Variants in MPDZ observed in about 807,000 individuals in gnomAD.
MPDZ encodes multiple PDZ domain crumbs cell polarity complex component.
In MPDZ, 234 loss-of-function variants were observed where a neutral mutation model predicts 239.1. The observed-to-expected ratio is 0.98, with a 90% CI of 0.88 to 1.09. The LOEUF is 1.09. Among genes scored for constraint, MPDZ ranks in the 50% least tolerant of loss-of-function variants. The probability of loss-of-function intolerance (pLI) is 0.00; values close to 1 mark genes in which losing one functional copy is unlikely to be tolerated. For missense variants in MPDZ, 3,175 were observed against 2,510.0 expected (o/e 1.26, Z -5.66); for synonymous variants, 1,048 against 881.3 (o/e 1.19, Z -3.35).
chr9:13,109,759 T>C lies in MPDZ; in HGVS notation c.5942+193A>G, dbSNP rs188665561. 2.0e-5 allele frequency among the ~76,000 whole-genome samples: 3 copies of C among 152,292 alleles called. No individual in the cohort carries two copies. In the East Asian group the frequency reaches 5.8e-4, roughly 29 times the overall value. Reference sequence around the variant, plus strand: ...ATCTAGCTAGTTATCTATCTCTACTTATCTTTGATCAGCTAAATCCATGCC... The same window carrying C: ...ATCTAGCTAGTTATCTATCTCTACTCATCTTTGATCAGCTAAATCCATGCC... On this transcript the variant is annotated intron_variant, in intron 45 of 46. Coordinates refer to ENST00000319217, the MANE Select transcript of MPDZ (RefSeq NM_001378778.1).
chr9:13,134,051 T>A, intron 31 of MPDZ, 147 bp from the exon 32 acceptor site: 1 of 302,390 alleles, frequency 3.3e-6, no homozygotes, highest in African/African-American at 2.2e-5. Flanking sequence ...TATTGCTATT[T>A]TAATACATTT....
intron 19 of MPDZ, among the ~76,000 whole-genome samples, chr9:13,181,834 G>T (rs1003869611): frequency 6.6e-6 from 1 of 152,152 alleles, no homozygotes; most frequent in African/African-American, 2.4e-5. Context: ...CGTGTGCTAT[G>T]CTGTGGATTA....
chr9:13,174,964 A>AT (rs1476828898), intron 21 of MPDZ, among the ~76,000 whole-genome samples: 18 of 152,200 alleles, frequency 1.2e-4, no homozygotes, highest in Admixed American at 1.0e-3. Context: ...AGACCCTGCC[A>AT]TAAGACGTCA....
chr9:13,124,209 C>A (rs906805277), intron 35 of MPDZ, among the ~76,000 whole-genome samples: 4 of 152,146 alleles, frequency 2.6e-5, no homozygotes, highest in Non-Finnish European at 5.9e-5. Context: ...TTTCATCTAG[C>A]ATTTCATATT....
At chr9:13,276,564 TCA>T (rs1240498296) in intron 1 of MPDZ, 1 of 152,180 alleles carries the variant, frequency 6.6e-6, no homozygotes, top group African/African-American at 2.4e-5. Flanking sequence ...ATATCATCAC[TCA>T]TACGCACCAT....
intron 12 of MPDZ, among the ~76,000 whole-genome samples, chr9:13,199,420 A>C (rs560183613): frequency 8.1e-4 from 123 of 152,118 alleles, no homozygotes; most frequent in Non-Finnish European, 1.2e-3. Flanking sequence ...TTAGGTTTCT[A>C]AATATAGGAT....
At chr9:13,161,895 A>G (rs755460774) in intron 23 of MPDZ, among the ~76,000 whole-genome samples, 3 of 152,136 alleles carry the variant, frequency 2.0e-5, no homozygotes, top group Non-Finnish European at 2.9e-5. Context: ...AAAGCCAAAC[A>G]CTGTTTCCTA....
intron 44 of MPDZ, 136 bp from the exon 45 acceptor site, chr9:13,110,200 C>G: frequency 1.5e-6 from 1 of 665,030 alleles, no homozygotes; most frequent in Non-Finnish European, 2.6e-6. Context: ...ACATAAAATA[C>G]AACCAAAGAG....
In MPDZ at chr9:13,145,922, T is replaced by C. The variant is rs561121168; in HGVS notation, c.3741+1626A>G. On this transcript the variant is annotated intron_variant, in intron 26 of 46. Transcript: ENST00000319217. ...TGATGTAAAAATTGTAAATTATAAA[T>C]AAAACAAAAAAAGGACTAAAATCCA... Among the ~76,000 whole-genome samples the C allele has an allele frequency of 6.6e-5, 10 of 151,802 alleles. No individual in the cohort carries two copies. In the East Asian group the frequency reaches 1.9e-3, roughly 29 times the overall value.
At chr9:13,145,348 G>A (rs1948292896) in intron 26 of MPDZ, among the ~76,000 whole-genome samples, 1 of 151,928 alleles carries the variant, frequency 6.6e-6, no homozygotes. Flanking sequence ...GAGAAAATGT[G>A]GTCAGACTGA....
Position 13,110,676 on chromosome 9 carries a change from A to G in MPDZ, c.5789T>C (p.Val1930Ala), listed in dbSNP as rs1290216967. Residue 1930 changes from valine to alanine, a missense_variant, in exon 44 of 47, where the codon GTT becomes GCT. Transcript: ENST00000319217. ...GCCAGATGCATTTTTCAGTAGGTTA[A>G]CTGCTTGGGTGTGAGTCATGCCCTC... ...STEGMTHTQA[V>A]NLLKNASGSI... The G allele has an allele frequency of 6.2e-7, 1 of 1,613,668 alleles. No individual in the cohort carries two copies. The highest frequency in any genetic ancestry group is 1.7e-5 in the Admixed American group (1 of 59,956).
At chr9:13,147,115 G>A (rs952345279) in intron 26 of MPDZ, among the ~76,000 whole-genome samples, 4 of 151,956 alleles carry the variant, frequency 2.6e-5, no homozygotes, top group Non-Finnish European at 5.9e-5. Context: ...ATTCACAGAT[G>A]ATTATGGGAT....
intron 1 of MPDZ, among the ~76,000 whole-genome samples, chr9:13,256,939 A>C (rs1353555497): frequency 2.0e-5 from 3 of 152,142 alleles, no homozygotes; most frequent in Non-Finnish European, 2.9e-5. Flanking sequence ...AATTCAATAA[A>C]ACAACATAGA....
Position 13,142,157 on chromosome 9 carries a change from A to G in MPDZ, c.3840+1309T>C, listed in dbSNP as rs182979493. 7.9e-5 allele frequency among the ~76,000 whole-genome samples: 12 copies of G among 152,280 alleles called. 1 individual carries two copies. The highest frequency in any genetic ancestry group is 4.6e-4 in the Admixed American group (7 of 15,266). ...AAACAAAAGCTAATTTAAACTTCTC[A>G]TAATTTTAACAAATCTATAGATGAC... is the stretch of plus-strand genomic sequence containing the variant. On this transcript the variant is annotated intron_variant, in intron 27 of 46. Coordinates refer to ENST00000319217, the MANE Select transcript of MPDZ (RefSeq NM_001378778.1).
In MPDZ at chr9:13,168,458, G is replaced by T. The variant is rs542869628; in HGVS notation, c.3162C>A (p.Ile1054=). The T allele has an allele frequency of 6.2e-7, 1 of 1,613,480 alleles. No homozygotes were observed. Among genetic ancestry groups the T allele is most frequent in the Admixed American group, 1.7e-5 (1 of 59,996 alleles). Residue 1054 remains isoleucine (I), a synonymous_variant, in exon 22 of 47, where the codon ATC becomes ATA. Coordinates refer to ENST00000319217, the MANE Select transcript of MPDZ (RefSeq NM_001378778.1). ...RDGRIAIGDC[I]LSINEESTIS... is the part of the protein sequence containing the mutation. ...TGGTAGACTCTTCATTAATGGACAAGATGCAGTCCCCAATGGCAATCCGGC... is the reference window on the plus strand; with the variant it reads ...TGGTAGACTCTTCATTAATGGACAATATGCAGTCCCCAATGGCAATCCGGC...
intron 8 of MPDZ, among the ~76,000 whole-genome samples, chr9:13,217,768 T>A (rs939163935): frequency 6.6e-6 from 1 of 151,870 alleles, no homozygotes; most frequent in Non-Finnish European, 1.5e-5. Flanking sequence ...CTAGACCAGC[T>A]ACCATTTATT....
rs1210778634 is a variant in MPDZ at position 13,133,888 on chromosome 9, G to GTC, written c.4399_4400insGA (p.Thr1467ArgfsTer43). ...GAGGTCCACAGCTGCATCAGAAGTA[G>GTC]TAACAGTTGGCTCTGTCTGACAGAG... On this transcript the variant is annotated frameshift_variant, in exon 32 of 47. Coordinates refer to ENST00000319217, the MANE Select transcript of MPDZ (RefSeq NM_001378778.1). LOFTEE classifies it high-confidence loss of function. 1 of 1,589,334 alleles carries GTC rather than the reference G, an allele frequency of 6.3e-7. No homozygotes were observed. The highest frequency in any genetic ancestry group is 1.3e-5 in the African/African-American group (1 of 74,130).
intron 12 of MPDZ, among the ~76,000 whole-genome samples, chr9:13,204,280 A>G (rs1174637377): frequency 6.6e-6 from 1 of 152,156 alleles, no homozygotes; most frequent in East Asian, 1.9e-4. Flanking sequence ...CATTCTGGCA[A>G]AACTATGTAT....
At chr9:13,180,746 C>CATTAAAATTCCTTAA (rs1953191807) in intron 19 of MPDZ, among the ~76,000 whole-genome samples, 2 of 152,140 alleles carry the variant, frequency 1.3e-5, no homozygotes, top group Non-Finnish European at 2.9e-5. Context: ...ATCCATATTT[C>CATTAAAATTCCTTAA]AATGACCTGC....
Sources: gnomAD v4.1 joint callset for allele counts (sites outside exome capture counted in the v4.1 genomes callset) on GRCh38, gnomAD v4.1.1 for gene constraint, MANE v1.5 for transcripts, NCBI Gene and HGNC (gene_info 2026-07-23, HGNC 2026-07-21) for gene names.